HGD: variants seen among roughly 807,000 people sequenced by gnomAD.
HGD encodes the protein homogentisate 1,2-dioxygenase, also known as homogentisate oxidase.
A neutral mutation model predicts 60.8 loss-of-function variants in HGD; 61 were observed. That is an observed-to-expected ratio of 1.00 (90% confidence interval 0.82 to 1.24). HGD has a LOEUF of 1.24. Among genes scored for constraint, HGD ranks in the 50% most tolerant of loss-of-function variants. The probability of loss-of-function intolerance (pLI) is 0.00; values close to 1 mark genes in which losing one functional copy is unlikely to be tolerated. For missense variants in HGD, 542 were observed against 547.1 expected, an observed-to-expected ratio of 0.99 and a Z score of 0.09; for synonymous variants, 212 against 187.7, an observed-to-expected ratio of 1.13 and a Z score of -1.06.
chr3:120,672,605 AC>A (rs1356807034), intron 3 of HGD, among the ~76,000 whole-genome samples: 1 of 152,116 alleles, frequency 6.6e-6, no homozygotes, highest in Non-Finnish European at 1.5e-5. Flanking sequence ...GTGACCTCAG[AC>A]CTTGGTCTTA....
chr3:120,628,429 AG>A lies in HGD; in HGVS notation c.1288del (p.Leu430SerfsTer24), dbSNP rs2107483632. ...DENYHKCWEP[L>X]KSHFTPNSRN... The stretch of plus-strand genomic sequence containing the variant: ...GGAGTTGGGAGTGAAGTGGCTCTTG[AG>A]TGGCTCCCAGCACTTGTGGTAGTTC... On this transcript the variant is annotated frameshift_variant, in exon 14 of 14. Coordinates refer to ENST00000283871, the MANE Select transcript of HGD (RefSeq NM_000187.4). LOFTEE classifies it high-confidence loss of function. 1 of 1,613,998 alleles carries A rather than the reference AG, an allele frequency of 6.2e-7. No homozygotes were observed. The highest frequency in any genetic ancestry group is 1.3e-5 in the African/African-American group (1 of 74,998).
At chr3:120,646,183 A>C in intron 9 of HGD, 84 bp downstream of exon 9, 1 of 880,998 alleles carries the variant, frequency 1.1e-6, no homozygotes, top group East Asian at 2.4e-5. Context: ...TGAGACAGCG[A>C]AGGGAGAAGG....
At chr3:120,635,133 T>C (rs1940718980) in intron 12 of HGD, among the ~76,000 whole-genome samples, 1 of 152,164 alleles carries the variant, frequency 6.6e-6, no homozygotes, top group South Asian at 2.1e-4. Context: ...TTCTATATCA[T>C]TTTCTATATT....
intron 4 of HGD, among the ~76,000 whole-genome samples, chr3:120,656,902 C>A (rs950475118): frequency 2.0e-5 from 3 of 152,168 alleles, no homozygotes; most frequent in Non-Finnish European, 4.4e-5. Flanking sequence ...TCTAGAAAAT[C>A]AAATATTTCT....
chr3:120,645,626 G>GT (rs1244809645), intron 9 of HGD, among the ~76,000 whole-genome samples: 1 of 152,096 alleles, frequency 6.6e-6, no homozygotes, highest in Non-Finnish European at 1.5e-5. Flanking sequence ...TGAGTGATGT[G>GT]TTTTTTTGAC....
At chr3:120,636,542 A>G (rs531303065) in intron 12 of HGD, among the ~76,000 whole-genome samples, 92 of 152,342 alleles carry the variant, frequency 6.0e-4, no homozygotes, top group South Asian at 1.4e-3. Context: ...ACTATAAGCC[A>G]GGGCAATTTT....
chr3:120,677,082 C>T (rs911871686), intron 1 of HGD, among the ~76,000 whole-genome samples: 10 of 152,186 alleles, frequency 6.6e-5, no homozygotes, highest in Admixed American at 2.6e-4. Flanking sequence ...CCTGTCTTTA[C>T]TTTAATCTCT....
chr3:120,630,823 TATACACATACACAC>T (rs1253869568), intron 13 of HGD, among the ~76,000 whole-genome samples: 1 of 70,464 alleles, frequency 1.4e-5, no homozygotes, highest in Non-Finnish European at 3.0e-5. Context: ...TATATATATA[TATACACATACACAC>T]ACACATACAC....
chr3:120,679,375 A>G (rs1324328400), intron 1 of HGD, among the ~76,000 whole-genome samples: 1 of 152,168 alleles, frequency 6.6e-6, no homozygotes, highest in Admixed American at 6.5e-5. Flanking sequence ...CTGTGGAAAA[A>G]GAGTCTAATA....
chr3:120,635,360 C>T (rs997689332), intron 12 of HGD, among the ~76,000 whole-genome samples: 1 of 151,684 alleles, frequency 6.6e-6, no homozygotes, highest in Non-Finnish European at 1.5e-5. Flanking sequence ...GCCTGTAGTC[C>T]CAGCTACTCA....
chr3:120,677,518 A>C (rs1367320475), intron 1 of HGD, among the ~76,000 whole-genome samples: 2 of 152,116 alleles, frequency 1.3e-5, no homozygotes, highest in African/African-American at 4.8e-5. Context: ...CCGCCTAATA[A>C]ATTTTGGTCA....
Position 120,646,959 on chromosome 3 carries a change from G to A in HGD, c.549+14C>T, listed in dbSNP as rs1436397325. ...TAGTGAGAGGCAGGGAAGAGAAGGG[G>A]ACACATCACCAACCTGAATGACGCA... is the stretch of plus-strand genomic sequence containing the variant. On this transcript the variant is annotated intron_variant, in intron 8 of 13. Coordinates refer to ENST00000283871, the MANE Select transcript of HGD (RefSeq NM_000187.4). The A allele has an allele frequency of 6.2e-7, 1 of 1,602,786 alleles. No homozygotes were observed. The highest frequency in any genetic ancestry group is 2.2e-5 in the East Asian group (1 of 44,802).
In HGD at chr3:120,682,124, C is replaced by T. The variant is rs775087041; in HGVS notation, c.-13G>A. On this transcript the variant is annotated 5_prime_UTR_variant, in exon 1 of 14. Transcript: ENST00000283871. ...TTAACTCAGCCATTTTCTCTCTCCT[C>T]TATGTGTGGTGACTTCAGGAAACCC... 5 of 1,613,870 alleles carry T rather than the reference C, an allele frequency of 3.1e-6. No individual in the cohort carries two copies. Among genetic ancestry groups the T allele is most frequent in the Non-Finnish European group, 4.2e-6 (5 of 1,179,770 alleles).
intron 4 of HGD, among the ~76,000 whole-genome samples, chr3:120,658,335 G>C (rs549784051): frequency 1.2e-4 from 18 of 152,288 alleles, no homozygotes; most frequent in Admixed American, 6.5e-4. Context: ...CAGAACAAAG[G>C]GTCTATAGGC....
Position 120,633,148 on chromosome 3 carries a change from A to T in HGD, c.1187T>A (p.Met396Lys). The T allele has an allele frequency of 1.2e-6, 2 of 1,614,016 alleles. No individual in the cohort carries two copies. The highest frequency in any genetic ancestry group is 2.2e-5 in the South Asian group (2 of 91,070). ...GAATGTGGCAGTTAACATACTTACC[A>T]TGGTGCCATCGGCAATCCTCTCAGG... ...LAPERIADGTMAFMFESSLSL... is the reference protein window; with the variant it reads ...LAPERIADGTKAFMFESSLSL... Residue 396 changes from methionine (M) to lysine (K), a missense_variant and splice_region_variant, in exon 13 of 14, where the codon ATG (methionine) becomes AAG (lysine). Transcript: ENST00000283871.
chr3:120,664,338 T>A (rs1217915343), intron 4 of HGD, among the ~76,000 whole-genome samples: 3 of 152,180 alleles, frequency 2.0e-5, no homozygotes, highest in Non-Finnish European at 4.4e-5. Context: ...TATTGGATAC[T>A]GTTTAATGTC....
chr3:120,638,679 A>G, intron 11 of HGD, 98 bp from the exon 12 acceptor site: 5 of 1,396,468 alleles, frequency 3.6e-6, no homozygotes, highest in Non-Finnish European at 5.0e-6. Context: ...TGCAAGTGAC[A>G]TTCTAATTTT....
intron 4 of HGD, among the ~76,000 whole-genome samples, chr3:120,668,968 CTA>C (rs3831501): frequency 0.14 from 21,445 of 152,102 alleles, 1,731 homozygotes; most frequent in Middle Eastern, 0.23. Flanking sequence ...TATCTCATTG[CTA>C]TAGTACTGGT....
rs200912864 is a variant in HGD, at chr3:120,675,331, T to A, written c.88-342A>T. Among the ~76,000 whole-genome samples the A allele has an allele frequency of 4.5e-4, 46 of 103,230 alleles. 2 individuals are homozygous for A. The South Asian group carries it at 0.012, about 27-fold the overall frequency. 67.7% of individuals were successfully genotyped at this position (103,230 alleles called of 152,430 possible). A position where few individuals can be genotyped will look rare whatever the true frequency, so the allele number is the denominator to read the frequency against. On this transcript the variant is annotated intron_variant, in intron 2 of 13. Coordinates refer to ENST00000283871, the MANE Select transcript of HGD (RefSeq NM_000187.4). ...CCTGTAATAATCAGGCATTTTTTCC[T>A]TTTTTTTTTTAAGAAATGAGGATTT...
Sources: gnomAD v4.1 joint callset for allele counts (sites outside exome capture counted in the v4.1 genomes callset) on GRCh38, gnomAD v4.1.1 for gene constraint, MANE v1.5 for transcripts, NCBI Gene and HGNC (gene_info 2026-07-23, HGNC 2026-07-21) for gene names.